COL14A1: variants seen among roughly 807,000 people sequenced by gnomAD.
COL14A1 encodes collagen type XIV alpha 1 chain.
A neutral mutation model predicts 230.3 loss-of-function variants in COL14A1; 136 were observed. That is an observed-to-expected ratio of 0.59 (90% CI 0.51 to 0.68). The LOEUF (loss-of-function observed/expected upper bound fraction) is 0.68, where lower values mean the gene tolerates loss of function less well. COL14A1 is among the 30% of genes least tolerant of loss of function. The pLI is 0.00. For missense variants in COL14A1, 1,976 were observed against 2,215.8 expected, an observed-to-expected ratio of 0.89 and a Z score of 2.17; for synonymous variants, 792 against 784.1, an observed-to-expected ratio of 1.01 and a Z score of -0.17.
chr8:120,203,710 G>A lies in COL14A1; in HGVS notation c.879G>A (p.Gly293=). 2 of 1,613,680 alleles carry A rather than the reference G, an allele frequency of 1.2e-6. No individual in the cohort carries two copies. The highest frequency in any genetic ancestry group is 1.1e-5 in the South Asian group (1 of 91,022). Residue 293 remains glycine, a splice_region_variant and synonymous_variant, in exon 9 of 48, where the codon GGG becomes GGA. Transcript: ENST00000297848. ...RESGVELFAI[G]VKNADVNELQ... ...TCTCTTTTTTGTCCTCTGTGTAAGGGGTGAAAAACGCGGATGTGAATGAGC... is the reference window on the plus strand; with the variant it reads ...TCTCTTTTTTGTCCTCTGTGTAAGGAGTGAAAAACGCGGATGTGAATGAGC...
At chr8:120,284,546 G>A (rs1325465459) in intron 32 of COL14A1, among the ~76,000 whole-genome samples, 2 of 152,138 alleles carry the variant, frequency 1.3e-5, no homozygotes, top group Non-Finnish European at 2.9e-5. Context: ...CTATTACTAG[G>A]TGCTAAGTCA....
At chr8:120,362,320 T>C (rs1823247263) in intron 45 of COL14A1, among the ~76,000 whole-genome samples, 1 of 152,194 alleles carries the variant, frequency 6.6e-6, no homozygotes, top group Non-Finnish European at 1.5e-5. Flanking sequence ...AGTTTGTTCA[T>C]GTGAAGCAGC....
intron 1 of COL14A1, among the ~76,000 whole-genome samples, chr8:120,130,215 G>C (rs1814482136): frequency 6.6e-6 from 1 of 152,210 alleles, no homozygotes; most frequent in African/African-American, 2.4e-5. Flanking sequence ...AAGCTTTTCT[G>C]ACGAAGGAAG....
At position 120,269,990 on chromosome 8, in the gene COL14A1, A is replaced by T. The variant is rs147865114; in HGVS notation, c.3074-45A>T. ...TGTCTTATTGGTTTAATAACTACTA[A>T]CTTTTCCCCTTATCTCTGACTCAAA... On this transcript the variant is annotated intron_variant, in intron 25 of 47. Transcript: ENST00000297848. The T allele has an allele frequency of 3.7e-6, 6 of 1,604,618 alleles. No homozygotes were observed. In the East Asian group the frequency reaches 1.3e-4, roughly 36 times the overall value.
intron 5 of COL14A1, among the ~76,000 whole-genome samples, chr8:120,192,585 G>A (rs752993281): frequency 1.0e-3 from 158 of 152,254 alleles, no homozygotes; most frequent in African/African-American, 3.7e-3. Context: ...GAATCTGAAT[G>A]TTGGCCTGCC....
At chr8:120,331,271 G>T (rs1821854354) in intron 40 of COL14A1, among the ~76,000 whole-genome samples, 1 of 152,106 alleles carries the variant, frequency 6.6e-6, no homozygotes, top group South Asian at 2.1e-4. Context: ...TTATTCCAAT[G>T]GGACACCAAT....
intron 22 of COL14A1, among the ~76,000 whole-genome samples, chr8:120,252,023 G>A (rs1261299130): frequency 1.3e-5 from 2 of 151,256 alleles, no homozygotes; most frequent in African/African-American, 4.9e-5. Context: ...AGGTATAATT[G>A]GCAAATAAAA....
chr8:120,192,792 C>A (rs1054388494), intron 5 of COL14A1, among the ~76,000 whole-genome samples: 2 of 152,154 alleles, frequency 1.3e-5, no homozygotes, highest in African/African-American at 4.8e-5. Flanking sequence ...TCATTTCTTT[C>A]ATTTCATCTT....
intron 2 of COL14A1, among the ~76,000 whole-genome samples, chr8:120,150,665 ATAG>A (rs1815252023): frequency 6.6e-6 from 1 of 152,122 alleles, no homozygotes; most frequent in South Asian, 2.1e-4. Flanking sequence ...TGTTTCAGTC[ATAG>A]TAGACATTTG....
chr8:120,170,078 C>T (rs1005468792), intron 5 of COL14A1, among the ~76,000 whole-genome samples: 1 of 151,982 alleles, frequency 6.6e-6, no homozygotes, highest in African/African-American at 2.4e-5. Flanking sequence ...TTGCTTATGT[C>T]TCCTTCTGTA....
chr8:120,166,292 A>G (rs140939922), intron 4 of COL14A1, among the ~76,000 whole-genome samples: 1 of 152,212 alleles, frequency 6.6e-6, no homozygotes, highest in South Asian at 2.1e-4. Context: ...GTAGGACTGG[A>G]AACTGTGTCA....
At chr8:120,173,564 C>CATCTATCT (rs71306871) in intron 5 of COL14A1, among the ~76,000 whole-genome samples, 27,243 of 149,210 alleles carry the variant, frequency 0.18, 2,664 homozygotes, top group Middle Eastern at 0.3. Context: ...AGCAATCAAT[C>CATCTATCT]ATCTATCTAT....
At chr8:120,236,781 C>T (rs1818457545) in intron 19 of COL14A1, among the ~76,000 whole-genome samples, 1 of 152,166 alleles carries the variant, frequency 6.6e-6, no homozygotes, top group Non-Finnish European at 1.5e-5. Flanking sequence ...ATATTTGTTA[C>T]TTCCTCCAGG....
intron 42 of COL14A1, among the ~76,000 whole-genome samples, chr8:120,335,725 C>T (rs73706440): frequency 0.015 from 2,279 of 152,310 alleles, 52 homozygotes; most frequent in African/African-American, 0.05. Flanking sequence ...GCTGCCGGCT[C>T]CCTAGGGCAG....
At chr8:120,133,618 T>G (rs1308766995) in intron 1 of COL14A1, among the ~76,000 whole-genome samples, 1 of 152,188 alleles carries the variant, frequency 6.6e-6, no homozygotes, top group East Asian at 1.9e-4. Context: ...AGATGGAAAT[T>G]TACTAAACAT....
rs564529843 is a variant in COL14A1 at position 120,133,226 on chromosome 8, A to T, written c.-38+7886A>T. ...GCGAAACTCCGTCTCAAACAAAAAA[A>T]AAATAAAAAAAAAAAAAATAACTGT... On this transcript the variant is annotated intron_variant, in intron 1 of 47. Transcript: ENST00000297848. Among the ~76,000 whole-genome samples the T allele has an allele frequency of 1.1e-3, 162 of 146,874 alleles. 1 individual carries two copies. Among genetic ancestry groups the T allele is most frequent in the African/African-American group, 3.8e-3 (153 of 40,526 alleles).
chr8:120,310,100 C>A, intron 37 of COL14A1, 38 bp downstream of exon 37: 1 of 1,585,398 alleles, frequency 6.3e-7, no homozygotes, highest in Non-Finnish European at 8.6e-7. Context: ...TGTCTCATCT[C>A]TCTCTCTCTC....
chr8:120,370,347 T>C (rs748474029), intron 47 of COL14A1: 1 of 1,612,178 alleles, frequency 6.2e-7, no homozygotes, highest in Non-Finnish European at 8.5e-7. Flanking sequence ...TCTGATCCCC[T>C]ACAATGATTA....
In COL14A1 at chr8:120,315,732, C is replaced by T. The variant is rs1034167142; in HGVS notation, c.4605+146C>T. The T allele has an allele frequency of 2.5e-5, 20 of 799,200 alleles. No individual in the cohort carries two copies. In the African/African-American group the frequency reaches 2.8e-4, roughly 11 times the overall value. 49.5% of individuals were successfully genotyped at this position (799,200 alleles called of 1,614,324 possible). On this transcript the variant is annotated intron_variant, in intron 39 of 47. Transcript: ENST00000297848. The stretch of plus-strand genomic sequence containing the variant: ...GCCTGTATTCACTTACCCTAAGCCC[C>T]TTTTGAGAGTCACACTGATGTTCCC...
Sources: gnomAD v4.1 joint callset for allele counts (sites outside exome capture counted in the v4.1 genomes callset) on GRCh38, gnomAD v4.1.1 for gene constraint, MANE v1.5 for transcripts, NCBI Gene and HGNC (gene_info 2026-07-23, HGNC 2026-07-21) for gene names.